BTBD8: variants seen among roughly 807,000 people sequenced by gnomAD.
BTBD8 encodes BTB/POZ domain-containing protein 8.
In BTBD8, 110 loss-of-function variants were observed where a neutral mutation model predicts 162.9. The observed-to-expected ratio is 0.68, with a 90% CI of 0.58 to 0.79. BTBD8 has a LOEUF of 0.79. Ranked by LOEUF, BTBD8 falls within the 30% of genes least tolerant of loss-of-function variation. The pLI is 0.00. For missense variants in BTBD8, 1,905 were observed against 2,085.4 expected, an observed-to-expected ratio of 0.91 and a Z score of 1.68; for synonymous variants, 667 against 716.1, an observed-to-expected ratio of 0.93 and a Z score of 1.10.
chr1:92,102,820 G>GT (rs1299894025), intron 3 of BTBD8, 151 bp downstream of exon 3: 1 of 625,888 alleles, frequency 1.6e-6, no homozygotes, highest in African/African-American at 1.9e-5. Context: ...TTAACTCCCA[G>GT]TTTTTCCCAA....
At position 92,177,329 on chromosome 1, in the gene BTBD8, T is replaced by C; in HGVS notation, c.2136T>C (p.Ala712=). 6.4e-7 allele frequency: 1 copy of C among 1,551,888 alleles called. No individual in the cohort carries two copies. Among genetic ancestry groups the C allele is most frequent in the Non-Finnish European group, 8.7e-7 (1 of 1,147,034 alleles). Residue 712 remains alanine (A), a synonymous_variant, in exon 14 of 18, where the codon GCT becomes GCC. Coordinates refer to ENST00000636805, the MANE Select transcript of BTBD8 (RefSeq NM_001376131.1). ...CCAAAGCAAAGCCTTTGAAGAAAGC[T>C]ACAGGGAAGGATTCACCATGCCTCA... The part of the protein sequence containing the change: ...VQAKAKPLKK[A]TGKDSPCLSI...
intron 13 of BTBD8, among the ~76,000 whole-genome samples, 169 bp from the exon 14 acceptor site, chr1:92,176,660 T>C (rs1251909068): frequency 6.6e-6 from 1 of 152,194 alleles, no homozygotes; most frequent in Non-Finnish European, 1.5e-5. Flanking sequence ...TACGGTAATC[T>C]AAGACAAAGT....
At chr1:92,182,729 GA>G in intron 17 of BTBD8, 134 bp downstream of exon 17, 1 of 508,648 alleles carries the variant, frequency 2.0e-6, no homozygotes, top group South Asian at 6.4e-5. Flanking sequence ...AATTTTAAAT[GA>G]AAAATGTCTT....
rs571630793 is a variant in BTBD8 at position 92,126,778 on chromosome 1, A to G, written c.663-2909A>G. The stretch of plus-strand genomic sequence containing the variant: ...AGATCCCAGCATCAGTTGAATTACC[A>G]TAGAGTAATGATGTAACAGTGTAAG... On this transcript the variant is annotated intron_variant, in intron 4 of 17. Coordinates refer to ENST00000636805, the MANE Select transcript of BTBD8 (RefSeq NM_001376131.1). Among the ~76,000 whole-genome samples, 34 of 152,314 alleles carry G rather than the reference A, an allele frequency of 2.2e-4. No individual in the cohort carries two copies. The South Asian group carries it at 6.4e-3, about 29-fold the overall frequency.
At chr1:92,121,753 G>A (rs1649216667) in intron 4 of BTBD8, among the ~76,000 whole-genome samples, 1 of 152,030 alleles carries the variant, frequency 6.6e-6, no homozygotes, top group Non-Finnish European at 1.5e-5. Flanking sequence ...CCAGCCACAG[G>A]CAACAAATGA....
chr1:92,121,922 C>T (rs953085541), intron 4 of BTBD8, among the ~76,000 whole-genome samples: 13 of 151,974 alleles, frequency 8.6e-5, no homozygotes, highest in African/African-American at 3.1e-4. Context: ...CCTCCCGCCT[C>T]AGCCTCCCAA....
rs116623475 is a variant in BTBD8, at chr1:92,097,944, A to G, written c.348-4529A>G. On this transcript the variant is annotated intron_variant, in intron 2 of 17. Coordinates refer to ENST00000636805, the MANE Select transcript of BTBD8 (RefSeq NM_001376131.1). ...TTCTCCTGGTGGGAGCACAGAGGAC[A>G]TGCCTAATTTCCCCAGCGATGAGTT... 4.2e-3 allele frequency among the ~76,000 whole-genome samples: 647 copies of G among 152,330 alleles called. 3 individuals are homozygous for G. The highest frequency in any genetic ancestry group is 0.014 in the African/African-American group (584 of 41,578).
intron 9 of BTBD8, among the ~76,000 whole-genome samples, chr1:92,165,451 A>C (rs376943393): frequency 8.5e-4 from 129 of 152,302 alleles, no homozygotes; most frequent in South Asian, 1.9e-3. Flanking sequence ...AGTGTGTATA[A>C]AAGAAATCTG....
At chr1:92,093,283 C>T (rs886185880) in intron 2 of BTBD8, among the ~76,000 whole-genome samples, 2 of 149,212 alleles carry the variant, frequency 1.3e-5, no homozygotes, top group Non-Finnish European at 3.0e-5. Flanking sequence ...ACCTTCACCT[C>T]CCAGGTTCAA....
At chr1:92,177,665 G>A (rs1302761759) in intron 14 of BTBD8, 119 bp downstream of exon 14, 2 of 823,500 alleles carry the variant, frequency 2.4e-6, no homozygotes, top group African/African-American at 1.7e-5. Flanking sequence ...GAATACTTAT[G>A]TATATGTACT....
chr1:92,152,679 T>G (rs1313718960), intron 9 of BTBD8, among the ~76,000 whole-genome samples: 2 of 151,626 alleles, frequency 1.3e-5, no homozygotes, highest in East Asian at 3.9e-4. Flanking sequence ...TTTAAGCAAG[T>G]GGTAGGTATG....
intron 9 of BTBD8, among the ~76,000 whole-genome samples, chr1:92,165,517 A>C (rs1331828546): frequency 2.0e-5 from 3 of 152,114 alleles, no homozygotes; most frequent in Admixed American, 6.5e-5. Context: ...AAAAAAAAAA[A>C]AACAGAGGCT....
chr1:92,167,241 TG>T, intron 10 of BTBD8, 101 bp downstream of exon 10: 2 of 1,372,642 alleles, frequency 1.5e-6, no homozygotes, highest in Non-Finnish European at 2.0e-6. Flanking sequence ...ATTAAATTAA[TG>T]TGATTTAAAT....
intron 9 of BTBD8, among the ~76,000 whole-genome samples, chr1:92,157,571 A>G (rs976318617): frequency 1.3e-5 from 2 of 152,120 alleles, no homozygotes; most frequent in African/African-American, 4.8e-5. Flanking sequence ...TGGCACGATC[A>G]TAGCTCACTA....
In BTBD8 at chr1:92,147,229, A is replaced by G. The variant is rs562802044; in HGVS notation, c.980A>G (p.His327Arg). ...TSILECLIIA[H>R]SVGVESLFAD... ...ATACTAGAATGCCTGATTATTGCTC[A>G]TTCAGTTGGAGTGGAAAGTCTTTTT... The change falls in exon 8 of 18, where the codon CAT becomes CGT. Residue 327 changes from histidine (H) to arginine (R), a missense_variant. Physicochemically the swap from His to Arg is conservative, Grantham distance 29. Transcript: ENST00000636805. 6.0e-5 allele frequency: 96 copies of G among 1,612,368 alleles called. 1 individual carries two copies. The South Asian group carries it at 9.1e-4, about 15-fold the overall frequency.
intron 2 of BTBD8, among the ~76,000 whole-genome samples, chr1:92,099,266 C>G (rs1054187801): frequency 2.6e-4 from 39 of 152,210 alleles, no homozygotes; most frequent in Non-Finnish European, 5.1e-4. Context: ...ATTCTTATGT[C>G]AGTACTACAC....
At chr1:92,129,969 T>C (rs573373138) in intron 5 of BTBD8, among the ~76,000 whole-genome samples, 193 bp downstream of exon 5, 20 of 152,374 alleles carry the variant, frequency 1.3e-4, no homozygotes, top group African/African-American at 4.6e-4. Flanking sequence ...TTAATCTGCT[T>C]ATGCTTCTGT....
chr1:92,130,574 GCACA>G (rs1557450508), intron 5 of BTBD8, among the ~76,000 whole-genome samples: 1 of 138,280 alleles, frequency 7.2e-6, no homozygotes, highest in African/African-American at 2.9e-5. Context: ...ACACATATAC[GCACA>G]CACACATATA....
intron 3 of BTBD8, among the ~76,000 whole-genome samples, chr1:92,106,141 G>A (rs1305944235): frequency 6.6e-6 from 1 of 152,210 alleles, no homozygotes; most frequent in Admixed American, 6.5e-5. Context: ...ATTGATGCCA[G>A]TCTCTTGATA....
Sources: allele counts gnomAD v4.1 joint callset (sites outside exome capture counted in the v4.1 genomes callset), GRCh38; gene constraint gnomAD v4.1.1; transcripts MANE v1.5; gene names NCBI Gene and HGNC (gene_info 2026-07-23, HGNC 2026-07-21).